The following GFRA1 variants were observed in gnomAD, a reference collection of about 807,000 sequenced individuals.
The protein encoded by GFRA1 is GDNF family receptor alpha 1.
GFRA1 carries 16 observed loss-of-function variants against 51.6 expected under a neutral mutation model. The ratio of observed to expected loss-of-function variants is 0.31; its 90% CI spans 0.21 to 0.47. The LOEUF (loss-of-function observed/expected upper bound fraction) is 0.47. Ranked by LOEUF, GFRA1 falls within the 20% of genes least tolerant of loss-of-function variation. The pLI, the probability that GFRA1 is intolerant of heterozygous loss-of-function variation, is 1.00. For missense variants in GFRA1, 530 were observed against 594.3 expected (o/e 0.89, Z 1.13); for synonymous variants, 270 against 241.3 (o/e 1.12, Z -1.10).
intron 5 of GFRA1, among the ~76,000 whole-genome samples, chr10:116,152,633 T>C (rs765751861): frequency 5.9e-5 from 9 of 152,180 alleles, no homozygotes; most frequent in African/African-American, 1.9e-4. Context: ...ACCTCCAATA[T>C]TGGAAATCAC....
chr10:116,132,147 G>A (rs12778200), intron 5 of GFRA1, among the ~76,000 whole-genome samples: 18,167 of 152,106 alleles, frequency 0.12, 1,371 homozygotes, highest in East Asian at 0.2. Context: ...GGTCAAGGCT[G>A]CAGTGAGCCA....
chr10:116,195,840 G>A (rs1339100731), intron 5 of GFRA1, among the ~76,000 whole-genome samples: 1 of 152,174 alleles, frequency 6.6e-6, no homozygotes, highest in African/African-American at 2.4e-5. Flanking sequence ...CAGAAAATCT[G>A]AGTTTGAATC....
At position 116,093,745 on chromosome 10, in the gene GFRA1, C is replaced by T. The variant is rs573366714; in HGVS notation, c.972G>A (p.Glu324=). 1.9e-6 allele frequency: 3 copies of T among 1,613,890 alleles called. No homozygotes were observed. The African/African-American group carries it at 4.0e-5, about 22-fold the overall frequency. The change falls in exon 8 of 11, where the codon GAG becomes GAA. Residue 324 remains glutamate, a synonymous_variant. Coordinates refer to ENST00000355422, the MANE Select transcript of GFRA1 (RefSeq NM_005264.8). ...TGAAGAAATTCAAAAATTTCAAGCACTCTTCTAGGTCGTTCCCACTGTTGC... is the reference window on the plus strand; with the variant it reads ...TGAAGAAATTCAAAAATTTCAAGCATTCTTCTAGGTCGTTCCCACTGTTGC... ...DCSNSGNDLE[E]CLKFLNFFKD... is the part of the protein sequence containing the mutation.
chr10:116,102,401 T>C (rs2133933914), intron 6 of GFRA1, among the ~76,000 whole-genome samples: 1 of 152,242 alleles, frequency 6.6e-6, no homozygotes, highest in African/African-American at 2.4e-5. Flanking sequence ...AGTCTATCAG[T>C]GAATTAGGCC....
intron 6 of GFRA1, among the ~76,000 whole-genome samples, chr10:116,098,644 G>T (rs1265829176): frequency 6.6e-6 from 1 of 152,154 alleles, no homozygotes; most frequent in East Asian, 1.9e-4. Context: ...AATGCTCCCG[G>T]CCTGTCCCCC....
intron 4 of GFRA1, among the ~76,000 whole-genome samples, chr10:116,228,850 T>C (rs1805120982): frequency 6.6e-6 from 1 of 151,572 alleles, no homozygotes; most frequent in South Asian, 2.1e-4. Flanking sequence ...GGAGTGGTGG[T>C]GGGCATCTGT....
chr10:116,066,516 A>G (rs1489316605), intron 9 of GFRA1, among the ~76,000 whole-genome samples: 2 of 152,200 alleles, frequency 1.3e-5, no homozygotes, highest in Admixed American at 1.3e-4. Flanking sequence ...GAAAGGTCCC[A>G]TTGCTCAAAT....
At chr10:116,212,257 T>C (rs1046771608) in intron 4 of GFRA1, among the ~76,000 whole-genome samples, 69 of 152,204 alleles carry the variant, frequency 4.5e-4, no homozygotes, top group African/African-American at 1.5e-3. Context: ...CGGTGGCTCA[T>C]GCCTGTAATC....
At chr10:116,103,004 G>C (rs919305259) in intron 6 of GFRA1, among the ~76,000 whole-genome samples, 2 of 152,178 alleles carry the variant, frequency 1.3e-5, no homozygotes, top group African/African-American at 4.8e-5. Flanking sequence ...GGGTCAGTTA[G>C]AGGAAAGAAA....
At chr10:116,067,610 T>C (rs1214611840) in intron 9 of GFRA1, among the ~76,000 whole-genome samples, 2 of 152,202 alleles carry the variant, frequency 1.3e-5, no homozygotes, top group Non-Finnish European at 2.9e-5. Flanking sequence ...TCTGTGACAC[T>C]CATTAGCTAT....
At chr10:116,227,715 A>C (rs1565664661) in intron 4 of GFRA1, among the ~76,000 whole-genome samples, 1 of 152,198 alleles carries the variant, frequency 6.6e-6, no homozygotes, top group Non-Finnish European at 1.5e-5. Flanking sequence ...AAGAGTTCTT[A>C]ATCTCTTCTG....
rs540853186 is a variant in GFRA1 at position 116,100,335 on chromosome 10, G to A, written c.771-3571C>T. ...CAATCAAGCCCATTTTACAGATGAG[G>A]AAACCGAGGCACGGAGCCTTTAAGC... On this transcript the variant is annotated intron_variant, in intron 6 of 10. Transcript: ENST00000355422. Among the ~76,000 whole-genome samples the A allele has an allele frequency of 2.0e-5, 3 of 152,296 alleles. No individual in the cohort carries two copies. The South Asian group carries it at 6.2e-4, about 32-fold the overall frequency.
Position 116,259,107 on chromosome 10 carries a change from C to T in GFRA1, c.418+10396G>A, listed in dbSNP as rs564575392. Among the ~76,000 whole-genome samples, 4 of 152,300 alleles carry T rather than the reference C, an allele frequency of 2.6e-5. No individual in the cohort carries two copies. In the East Asian group the frequency reaches 7.7e-4, roughly 29 times the overall value. ...TTCATAAACATGCGCTTTAAGAAAA[C>T]TGCTGGCCTTCTCCTACAAAGAATG... On this transcript the variant is annotated intron_variant, in intron 4 of 10. Transcript: ENST00000355422.
In GFRA1 at chr10:116,248,384, C is replaced by A. The variant is rs891589051; in HGVS notation, c.418+21119G>T. Among the ~76,000 whole-genome samples the A allele has an allele frequency of 7.2e-5, 11 of 152,086 alleles. No homozygotes were observed. In the East Asian group the frequency reaches 1.5e-3, roughly 21 times the overall value. The stretch of plus-strand genomic sequence containing the variant: ...GGGAGCGCTGTTCCTTTTTCTGGAG[C>A]CTTACAGGGCATGAAGGGGATGCTC... On this transcript the variant is annotated intron_variant, in intron 4 of 10. Transcript: ENST00000355422.
intron 4 of GFRA1, among the ~76,000 whole-genome samples, chr10:116,248,248 G>A (rs975133159): frequency 2.0e-5 from 3 of 152,166 alleles, no homozygotes; most frequent in Non-Finnish European, 2.9e-5. Flanking sequence ...AGGTTCATGG[G>A]GCTTTGCCTG....
intron 6 of GFRA1, among the ~76,000 whole-genome samples, chr10:116,104,004 C>T (rs1240922659): frequency 1.3e-5 from 2 of 152,130 alleles, no homozygotes; most frequent in Non-Finnish European, 2.9e-5. Flanking sequence ...AGCTGAGCTG[C>T]GATTCTCTCC....
intron 6 of GFRA1, among the ~76,000 whole-genome samples, chr10:116,099,351 G>A (rs374401617): frequency 1.1e-4 from 17 of 152,260 alleles, no homozygotes; most frequent in African/African-American, 3.4e-4. Context: ...TTACTGGCAC[G>A]TCTCTATTTA....
intron 4 of GFRA1, among the ~76,000 whole-genome samples, chr10:116,258,716 A>T (rs1969081822): frequency 6.6e-6 from 1 of 152,122 alleles, no homozygotes; most frequent in South Asian, 2.1e-4. Context: ...TGTGCCCCCA[A>T]GACAAGTTTC....
intron 5 of GFRA1, among the ~76,000 whole-genome samples, chr10:116,168,652 C>T (rs1044405886): frequency 1.3e-5 from 2 of 152,148 alleles, no homozygotes; most frequent in South Asian, 2.1e-4. Context: ...GGGCCAACCT[C>T]GGGGGGTTAA....
Sources: gnomAD v4.1 joint callset for allele counts (sites outside exome capture counted in the v4.1 genomes callset) on GRCh38, gnomAD v4.1.1 for gene constraint, MANE v1.5 for transcripts, NCBI Gene and HGNC (gene_info 2026-07-23, HGNC 2026-07-21) for gene names.